The following SLC5A4 variants were observed in gnomAD, a reference collection of about 807,000 sequenced individuals.
The protein encoded by SLC5A4 is probable glucose sensor protein SLC5A4.
Under a neutral mutation model 70.3 loss-of-function variants are expected in SLC5A4, and 55 were observed. The observed-to-expected ratio is 0.78, with a 90% CI of 0.63 to 0.98. SLC5A4 has a LOEUF of 0.98. SLC5A4 is among the 50% of genes least tolerant of loss of function. The pLI, the probability that SLC5A4 is intolerant of heterozygous loss-of-function variation, is 0.00. For synonymous variants in SLC5A4, 268 were observed against 305.7 expected, an observed-to-expected ratio of 0.88 and a Z score of 1.29; for missense variants, 735 against 839.2, an observed-to-expected ratio of 0.88 and a Z score of 1.53.
At chr22:32,331,472 A>C in the SLC5A4 span, among the ~76,000 whole-genome samples, 3 of 152,122 alleles carry the variant, frequency 2.0e-5, no homozygotes, top group African/African-American at 7.2e-5. Context: ...CTTGAGGACA[A>C]TGAGAATTAT....
the SLC5A4 span, among the ~76,000 whole-genome samples, chr22:32,300,511 C>T: frequency 6.6e-6 from 1 of 151,882 alleles, no homozygotes; most frequent in African/African-American, 2.4e-5. Context: ...CCTCGCCCTG[C>T]TTCGGCTCGC....
At chr22:32,311,114 G>A in the SLC5A4 span, among the ~76,000 whole-genome samples, 1 of 152,148 alleles carries the variant, frequency 6.6e-6, no homozygotes, top group African/African-American at 2.4e-5. Flanking sequence ...GCTCAATAAG[G>A]CCTTCCCAGA....
chr22:32,239,147 T>C, intron 5 of SLC5A4, 57 bp from the exon 6 acceptor site: 1 of 1,241,590 alleles, frequency 8.1e-7, no homozygotes, highest in Non-Finnish European at 1.2e-6. Context: ...CACTGGCTTC[T>C]CTGCCCCAAT....
intron 5 of SLC5A4, among the ~76,000 whole-genome samples, chr22:32,241,648 T>C (rs1325403698): frequency 2.0e-5 from 3 of 152,212 alleles, no homozygotes; most frequent in East Asian, 3.8e-4. Context: ...TGTCAATTTA[T>C]GCTTTTGTTA....
intron 6 of SLC5A4, 140 bp from the exon 7 acceptor site, chr22:32,237,464 C>T (rs1449676914): frequency 3.4e-6 from 2 of 587,598 alleles, no homozygotes; most frequent in Non-Finnish European, 6.0e-6. Flanking sequence ...GAGCCACAAG[C>T]TTGTCCTGGC....
the SLC5A4 span, among the ~76,000 whole-genome samples, chr22:32,312,363 G>A: frequency 0.09 from 7,602 of 84,608 alleles, 355 homozygotes; most frequent in Admixed American, 0.25. Flanking sequence ...ACACGCGCGC[G>A]CGCACACACA....
In SLC5A4 at chr22:32,218,605, G is replaced by C. The variant is rs956255284; in HGVS notation, c.1889C>G (p.Thr630Arg). Reference protein sequence around the residue: ...EEALSKKLTDTSERPSWRTIV... With the variant: ...EEALSKKLTDRSERPSWRTIV... ...TGTCCTCCACGAGGGCCTCTCAGAC[G>C]TGTCTGTGAGCTTCTTGCTCAAGGC... is the stretch of plus-strand genomic sequence containing the variant. The change falls in exon 15 of 15, where the codon ACG (threonine) becomes AGG (arginine). Residue 630 changes from threonine to arginine, a missense_variant. Coordinates refer to ENST00000266086, the MANE Select transcript of SLC5A4 (RefSeq NM_014227.3). 2 of 1,613,224 alleles carry C rather than the reference G, an allele frequency of 1.2e-6. No homozygotes were observed. The highest frequency in any genetic ancestry group is 3.3e-5 in the Admixed American group (2 of 59,986).
intron 5 of SLC5A4, among the ~76,000 whole-genome samples, chr22:32,246,640 G>C (rs1226836333): frequency 6.6e-6 from 1 of 152,100 alleles, no homozygotes; most frequent in African/African-American, 2.4e-5. Flanking sequence ...CTATTCTCCT[G>C]CCTCAGCCTC....
In SLC5A4 at chr22:32,218,597, T is replaced by G; in HGVS notation, c.1897A>C (p.Arg633=). Residue 633 remains arginine, a synonymous_variant, in exon 15 of 15, where the codon AGG becomes CGG. Coordinates refer to ENST00000266086, the MANE Select transcript of SLC5A4 (RefSeq NM_014227.3). ...TTCACTATTGTCCTCCACGAGGGCCTCTCAGACGTGTCTGTGAGCTTCTTG... is the reference window on the plus strand; with the variant it reads ...TTCACTATTGTCCTCCACGAGGGCCGCTCAGACGTGTCTGTGAGCTTCTTG... The part of the protein sequence containing the change: ...LSKKLTDTSE[R]PSWRTIVNIN... 6.2e-7 allele frequency: 1 copy of G among 1,613,922 alleles called. No individual in the cohort carries two copies. Among genetic ancestry groups the G allele is most frequent in the Non-Finnish European group, 8.5e-7 (1 of 1,179,934 alleles).
At position 32,232,925 on chromosome 22, in the gene SLC5A4, C is replaced by T. The variant is rs1174629861; in HGVS notation, c.995G>A (p.Gly332Glu). 1 of 1,614,040 alleles carries T rather than the reference C, an allele frequency of 6.2e-7. No homozygotes were observed. Among genetic ancestry groups the T allele is most frequent in the Non-Finnish European group, 8.5e-7 (1 of 1,179,976 alleles). The change falls in exon 9 of 15, where the codon GGG (glycine) becomes GAG (glutamate). Residue 332 changes from glycine (G) to glutamate (E), a missense_variant. By Grantham distance (98) the Gly-to-Glu change is moderately conservative. Coordinates refer to ENST00000266086, the MANE Select transcript of SLC5A4 (RefSeq NM_014227.3). ...TGTGTACAGGATGCGGCTGATCATCCCCGGCATCACCATGAGGAACATGGG... is the reference window on the plus strand; with the variant it reads ...TGTGTACAGGATGCGGCTGATCATCTCCGGCATCACCATGAGGAACATGGG... ...LLPMFLMVMP[G>E]MISRILYTDM...
chr22:32,314,107 A>G, the SLC5A4 span, among the ~76,000 whole-genome samples: 5,719 of 152,288 alleles, frequency 0.038, 340 homozygotes, highest in African/African-American at 0.13. Flanking sequence ...ATACGCCAAG[A>G]AGGAGAACCT....
chr22:32,273,154 C>T, the SLC5A4 span: 1 of 414,676 alleles, frequency 2.4e-6, no homozygotes, highest in Admixed American at 2.9e-5. Flanking sequence ...CTACCTCCCA[C>T]CACCTTTTTT....
chr22:32,345,984 C>G, the SLC5A4 span, among the ~76,000 whole-genome samples: 3 of 152,112 alleles, frequency 2.0e-5, no homozygotes, highest in African/African-American at 2.4e-5. Context: ...TCTCTACTTT[C>G]CAAGCTACTG....
At chr22:32,351,251 C>T in the SLC5A4 span, among the ~76,000 whole-genome samples, 8 of 152,098 alleles carry the variant, frequency 5.3e-5, no homozygotes, top group African/African-American at 1.7e-4. Flanking sequence ...TGGCTGTTTG[C>T]AACCAATATT....
chr22:32,324,054 C>A, the SLC5A4 span, among the ~76,000 whole-genome samples: 1 of 152,248 alleles, frequency 6.6e-6, no homozygotes. Context: ...TGGGGATACA[C>A]CTCCGTTTGG....
the SLC5A4 span, among the ~76,000 whole-genome samples, chr22:32,310,203 C>T: frequency 1.3e-5 from 2 of 152,072 alleles, no homozygotes; most frequent in Non-Finnish European, 2.9e-5. Flanking sequence ...GAGAGGGAGG[C>T]AAGGCCACCA....
At chr22:32,291,517 T>C in the SLC5A4 span, among the ~76,000 whole-genome samples, 1 of 152,210 alleles carries the variant, frequency 6.6e-6, no homozygotes, top group Non-Finnish European at 1.5e-5. Flanking sequence ...ATGGCTGACA[T>C]TAGTTTTCAG....
the SLC5A4 span, among the ~76,000 whole-genome samples, chr22:32,288,021 T>TA: frequency 1.3e-5 from 2 of 150,992 alleles, no homozygotes; most frequent in African/African-American, 4.9e-5. Context: ...TTCTTTCTTT[T>TA]TTTTTTTTTT....
At chr22:32,243,531 C>T (rs1301580727) in intron 5 of SLC5A4, among the ~76,000 whole-genome samples, 2 of 152,070 alleles carry the variant, frequency 1.3e-5, no homozygotes, top group South Asian at 2.1e-4. Context: ...TATCCCTGCT[C>T]CTAGGAATAA....
Sources: allele counts gnomAD v4.1 joint callset (sites outside exome capture counted in the v4.1 genomes callset), GRCh38; gene constraint gnomAD v4.1.1; transcripts MANE v1.5; gene names NCBI Gene and HGNC (gene_info 2026-07-23, HGNC 2026-07-21).